Variants in THNSL1 observed in about 807,000 individuals in gnomAD.
THNSL1 encodes the protein threonine synthase-like 1.
In THNSL1, 48 loss-of-function variants were observed where a neutral mutation model predicts 50.4. That is an observed-to-expected ratio of 0.95 (90% CI 0.76 to 1.21). The LOEUF is 1.21. THNSL1 is among the 50% of genes most tolerant of loss of function. The pLI is 0.00. For synonymous variants in THNSL1, 309 were observed against 306.1 expected, an observed-to-expected ratio of 1.01 and a Z score of -0.10; for missense variants, 896 against 871.7, an observed-to-expected ratio of 1.03 and a Z score of -0.35.
intron 1 of THNSL1, among the ~76,000 whole-genome samples, chr10:25,019,233 G>T (rs1305139675): frequency 3.3e-5 from 5 of 152,178 alleles, no homozygotes; most frequent in Non-Finnish European, 7.4e-5. Context: ...AGCACTTTTT[G>T]AAGGCCAAGG....
the THNSL1 span, among the ~76,000 whole-genome samples, chr10:24,962,856 A>T: frequency 6.6e-6 from 1 of 152,184 alleles, no homozygotes; most frequent in Non-Finnish European, 1.5e-5. Flanking sequence ...TTGAGAAAGA[A>T]CTTTCAGATT....
upstream of THNSL1, among the ~76,000 whole-genome samples, chr10:25,014,182 G>A (rs897948617): frequency 6.6e-6 from 1 of 151,994 alleles, no homozygotes; most frequent in African/African-American, 2.4e-5. Flanking sequence ...TCTCATTATG[G>A]TTTTCAATGA....
At chr10:24,953,115 G>A in the THNSL1 span, 1 of 152,440 alleles carries the variant, frequency 6.6e-6, no homozygotes, top group Admixed American at 6.5e-5. Context: ...GCTCTTGGAG[G>A]ATGGGAAGTG....
chr10:25,007,281 C>T, the THNSL1 span, among the ~76,000 whole-genome samples: 1 of 152,202 alleles, frequency 6.6e-6, no homozygotes, highest in Non-Finnish European at 1.5e-5. Context: ...CAAAAGCTCA[C>T]TTATACATTT....
intron 1 of THNSL1, among the ~76,000 whole-genome samples, chr10:25,018,194 A>G (rs1290305898): frequency 6.6e-6 from 1 of 152,226 alleles, no homozygotes; most frequent in Non-Finnish European, 1.5e-5. Flanking sequence ...AGGTTGTTAA[A>G]TCATTTGGAA....
chr10:25,023,306 A>G lies in THNSL1; in HGVS notation c.83A>G (p.His28Arg), dbSNP rs1341204283. ...AGTATACATGTTAAAACGGATAAAC[A>G]TGCACAGCGATTTCTTTCAAGAACC... ...FSSIHVKTDK[H>R]AQRFLSRTFA... The change falls in exon 3 of 3, where the codon CAT (histidine) becomes CGT (arginine). Residue 28 changes from histidine to arginine, a missense_variant. His to Arg is a conservative substitution (Grantham distance 29). Transcript: ENST00000376356. 1.9e-6 allele frequency: 3 copies of G among 1,614,186 alleles called. No homozygotes were observed. Among genetic ancestry groups the G allele is most frequent in the Non-Finnish European group, 1.7e-6 (2 of 1,180,006 alleles).
At position 25,024,405 on chromosome 10, in the gene THNSL1, T is replaced by G; in HGVS notation, c.1182T>G (p.Asn394Lys). ...TCTTAAATGGTTTTAGTCGTCTAAA[T>G]AAGAATGATAAGCAAAGGATAGCTG... is the stretch of plus-strand genomic sequence containing the variant. ...SAVLNGFSRL[N>K]KNDKQRIAVV... is the part of the protein sequence containing the mutation. The change falls in exon 3 of 3, where the codon AAT becomes AAG. Residue 394 changes from asparagine to lysine, a missense_variant. Physicochemically the swap from Asn to Lys is moderately conservative, Grantham distance 94. Transcript: ENST00000376356. 6.2e-7 allele frequency: 1 copy of G among 1,613,956 alleles called. No individual in the cohort carries two copies. Among genetic ancestry groups the G allele is most frequent in the Non-Finnish European group, 8.5e-7 (1 of 1,180,006 alleles).
the THNSL1 span, among the ~76,000 whole-genome samples, chr10:24,996,240 C>G: frequency 6.6e-6 from 1 of 152,146 alleles, no homozygotes; most frequent in Non-Finnish European, 1.5e-5. Flanking sequence ...CTCGGCAACA[C>G]AGTGAAACCC....
At chr10:24,999,622 C>G in the THNSL1 span, 2 of 1,291,124 alleles carry the variant, frequency 1.5e-6, no homozygotes, top group Non-Finnish European at 2.2e-6. Context: ...AAGTTTAAAT[C>G]TTACATTTTT....
intron 1 of THNSL1, among the ~76,000 whole-genome samples, chr10:25,018,670 T>G (rs983892319): frequency 4.0e-5 from 6 of 151,538 alleles, no homozygotes; most frequent in Non-Finnish European, 8.8e-5. Flanking sequence ...TTTTTTTTTT[T>G]TTTTTTTTTG....
At chr10:24,962,288 T>C in the THNSL1 span, among the ~76,000 whole-genome samples, 3 of 152,190 alleles carry the variant, frequency 2.0e-5, no homozygotes, top group South Asian at 2.1e-4. Context: ...GTCTAGTTAG[T>C]ATAAATAGTG....
chr10:24,995,721 A>G, the THNSL1 span: 3 of 1,614,032 alleles, frequency 1.9e-6, no homozygotes, highest in African/African-American at 2.7e-5. Flanking sequence ...TATCAACATA[A>G]ATTGGTTTAG....
At chr10:24,995,911 C>T in the THNSL1 span, 13 of 1,474,358 alleles carry the variant, frequency 8.8e-6, no homozygotes, top group Non-Finnish European at 1.0e-5. Flanking sequence ...AAACTACAAA[C>T]ACTGCTACTC....
the THNSL1 span, among the ~76,000 whole-genome samples, chr10:25,011,289 GTTGT>G: frequency 4.6e-5 from 7 of 152,248 alleles, no homozygotes; most frequent in East Asian, 7.7e-4. Context: ...TTTTGATGGG[GTTGT>G]TTGTTTTTTT....
At chr10:24,984,661 A>T in the THNSL1 span, 8 of 1,393,334 alleles carry the variant, frequency 5.7e-6, no homozygotes, top group Admixed American at 2.6e-5. Flanking sequence ...TTTTTGAAAA[A>T]CTTGGAGTTT....
chr10:24,960,491 A>G, the THNSL1 span, among the ~76,000 whole-genome samples: 2 of 151,874 alleles, frequency 1.3e-5, no homozygotes, highest in Non-Finnish European at 2.9e-5. Flanking sequence ...GCATGGAGCA[A>G]TCTCAGCTCA....
the THNSL1 span, among the ~76,000 whole-genome samples, chr10:24,962,877 C>T: frequency 6.6e-6 from 1 of 152,154 alleles, no homozygotes; most frequent in Non-Finnish European, 1.5e-5. Flanking sequence ...CTCTTCAGTT[C>T]ATATCAAACA....
At chr10:24,953,865 C>A in the THNSL1 span, among the ~76,000 whole-genome samples, 1 of 152,190 alleles carries the variant, frequency 6.6e-6, no homozygotes, top group African/African-American at 2.4e-5. Flanking sequence ...GCGCCCTGGT[C>A]CTGCTCAGCA....
chr10:25,017,083 C>T (rs569564311), intron 1 of THNSL1, among the ~76,000 whole-genome samples: 208 of 152,322 alleles, frequency 1.4e-3, no homozygotes, highest in Non-Finnish European at 2.2e-3. Flanking sequence ...TGCGCCTGCT[C>T]TTCCCCGGGT....
Sources: gnomAD v4.1 joint callset for allele counts (sites outside exome capture counted in the v4.1 genomes callset) on GRCh38, gnomAD v4.1.1 for gene constraint, MANE v1.5 for transcripts, NCBI Gene and HGNC (gene_info 2026-07-23, HGNC 2026-07-21) for gene names.